Variants in FBH1 observed in about 807,000 individuals in gnomAD.
FBH1 encodes the protein F-box DNA helicase 1.
FBH1 carries 43 observed loss-of-function variants against 115.5 expected under a neutral mutation model. That is an observed-to-expected ratio of 0.37 (90% confidence interval 0.29 to 0.48). The LOEUF (loss-of-function observed/expected upper bound fraction) is 0.48. Among genes scored for constraint, FBH1 ranks in the 20% least tolerant of loss-of-function variants. FBH1 has a pLI of 0.99. For synonymous variants in FBH1, 524 were observed against 507.8 expected (o/e 1.03, Z -0.43); for missense variants, 1,001 against 1,337.3 (o/e 0.75, Z 3.92).
At position 5,909,362 on chromosome 10, in the gene FBH1, G is replaced by A; in HGVS notation, c.1020+68G>A. On this transcript the variant is annotated intron_variant, in intron 5 of 20. Transcript: ENST00000362091. The surrounding 1 kb of genome is among the most constrained non-coding windows in gnomAD (Gnocchi z 4.4). ...TGGAGGAAAGTGTACTGGTGATTCA[G>A]TTCAATTGAGGATGACTTTATATTT... is the stretch of plus-strand genomic sequence containing the variant. 1 of 1,508,626 alleles carries A rather than the reference G, an allele frequency of 6.6e-7. No homozygotes were observed. Among genetic ancestry groups the A allele is most frequent in the South Asian group, 1.2e-5 (1 of 82,010 alleles). 93.5% of individuals were successfully genotyped at this position (1,508,626 alleles called of 1,614,324 possible). A position where few individuals can be genotyped will look rare whatever the true frequency, so the allele number is the denominator to read the frequency against.
intron 2 of FBH1, chr10:5,905,084 C>T (rs745742574): frequency 2.0e-5 from 3 of 152,212 alleles, no homozygotes; most frequent in Admixed American, 6.5e-5. Flanking sequence ...ACATTTGTCT[C>T]AGAATCATTG....
At chr10:5,898,771 G>A (rs1419366198) in intron 1 of FBH1, among the ~76,000 whole-genome samples, 1 of 152,128 alleles carries the variant, frequency 6.6e-6, no homozygotes, top group Non-Finnish European at 1.5e-5. Flanking sequence ...TGAATTTCAG[G>A]GACATGAACG....
Position 5,897,370 on chromosome 10 carries a change from A to G in FBH1, c.2-5650A>G, listed in dbSNP as rs1564430373. On this transcript the variant is annotated intron_variant, in intron 1 of 20. Coordinates refer to ENST00000362091, the MANE Select transcript of FBH1 (RefSeq NM_178150.3). This position sits in a 1 kb window ranked among gnomAD's most constrained non-coding sequence, Gnocchi z 4.7. Reference sequence around the variant, plus strand: ...CATTAAGTGTAAAGCGTGTAATTGCAGAGGAGGTGGACACAGGGCTCCTGC... The same window carrying G: ...CATTAAGTGTAAAGCGTGTAATTGCGGAGGAGGTGGACACAGGGCTCCTGC... 1.3e-5 allele frequency among the ~76,000 whole-genome samples: 2 copies of G among 152,130 alleles called. No individual in the cohort carries two copies. Among genetic ancestry groups the G allele is most frequent in the African/African-American group, 4.8e-5 (2 of 41,428 alleles).
rs778513834 is a variant in FBH1 at position 5,895,055 on chromosome 10, G to T, written c.1+4709G>T. On this transcript the variant is annotated intron_variant, in intron 1 of 20. Transcript: ENST00000362091. This position sits in a 1 kb window ranked among gnomAD's most constrained non-coding sequence, Gnocchi z 5.0. ...GAAATTGGGCCATTCCCGTTTCACA[G>T]GCTGCCATTGGACCTGTCAAGTGCC... 1 of 1,609,772 alleles carries T rather than the reference G, an allele frequency of 6.2e-7. No individual in the cohort carries two copies. Among genetic ancestry groups the T allele is most frequent in the South Asian group, 1.1e-5 (1 of 90,732 alleles).
At position 5,909,291 on chromosome 10, in the gene FBH1, C is replaced by T. The variant is rs146616324; in HGVS notation, c.1017C>T (p.Ala339=). Residue 339 remains alanine, a synonymous_variant, in exon 5 of 21, where the codon GCC becomes GCT. Coordinates refer to ENST00000362091, the MANE Select transcript of FBH1 (RefSeq NM_178150.3). This position sits in a 1 kb window ranked among gnomAD's most constrained non-coding sequence, Gnocchi z 4.4. ...ACCTCCCCGACCTCTACGCTGCTGCCGGGGTAGGTCTGGAGGCTGCGGGAG... is the reference window on the plus strand; with the variant it reads ...ACCTCCCCGACCTCTACGCTGCTGCTGGGGTAGGTCTGGAGGCTGCGGGAG... The part of the protein sequence containing the change: ...RQHLPDLYAA[A]GGVNIWALVA... 2.5e-5 allele frequency: 40 copies of T among 1,608,982 alleles called. No individual in the cohort carries two copies. The highest frequency in any genetic ancestry group is 2.3e-4 in the African/African-American group (17 of 75,020).
rs190011923 is a variant in FBH1 at position 5,921,130 on chromosome 10, C to G, written c.2101-128C>G. On this transcript the variant is annotated intron_variant, in intron 13 of 20. Coordinates refer to ENST00000362091, the MANE Select transcript of FBH1 (RefSeq NM_178150.3). This position sits in a 1 kb window ranked among gnomAD's most constrained non-coding sequence, Gnocchi z 6.4. Reference sequence around the variant, plus strand: ...ACCTTGAAAGTGAGCCTGTGAAGTTCGCTTTCCATGCGGGGGGTCAGGAAC... The same window carrying G: ...ACCTTGAAAGTGAGCCTGTGAAGTTGGCTTTCCATGCGGGGGGTCAGGAAC... 4.5e-5 allele frequency: 33 copies of G among 737,444 alleles called. No individual in the cohort carries two copies. In the East Asian group the frequency reaches 8.6e-4, roughly 19 times the overall value. 45.7% of individuals were successfully genotyped at this position (737,444 alleles called of 1,614,324 possible).
Position 5,910,934 on chromosome 10 carries a change from G to A in FBH1, c.1021-4G>A. The A allele has an allele frequency of 6.2e-7, 1 of 1,607,026 alleles. No homozygotes were observed. The highest frequency in any genetic ancestry group is 8.5e-7 in the Non-Finnish European group (1 of 1,178,384). On this transcript the variant is annotated splice_region_variant and splice_polypyrimidine_tract_variant and intron_variant, in intron 5 of 20. Coordinates refer to ENST00000362091, the MANE Select transcript of FBH1 (RefSeq NM_178150.3). The surrounding 1 kb of genome is among the most constrained non-coding windows in gnomAD (Gnocchi z 4.8). ...CCCTCCCTCCCTGTGCACCTGGCTT[G>A]CAGGGTGTCAACATCTGGGCCCTGG...
Position 5,925,639 on chromosome 10 carries a change from A to AGGAAC in FBH1, c.2722+148_2722+149insGAACG. 1 of 1,200,066 alleles carries AGGAAC rather than the reference A, an allele frequency of 8.3e-7. No individual in the cohort carries two copies. The allele number at this position is 1,200,066 out of a possible 1,614,324, so 74.3% of individuals were successfully genotyped here. A position where few individuals can be genotyped will look rare whatever the true frequency, so the allele number is the denominator to read the frequency against. On this transcript the variant is annotated intron_variant, in intron 18 of 20. Coordinates refer to ENST00000362091, the MANE Select transcript of FBH1 (RefSeq NM_178150.3). This position sits in a 1 kb window ranked among gnomAD's most constrained non-coding sequence, Gnocchi z 4.6. ...AAAACTAAACCACAAAACACCTCCTAGTCCTAAACTTTTGATTCTTATACT... is the reference window on the plus strand; with the variant it reads ...AAAACTAAACCACAAAACACCTCCTAGGAACGTCCTAAACTTTTGATTCTTATACT...
At position 5,910,949 on chromosome 10, in the gene FBH1, C is replaced by A; in HGVS notation, c.1032C>A (p.Ile344=). 1 of 1,610,010 alleles carries A rather than the reference C, an allele frequency of 6.2e-7. No individual in the cohort carries two copies. The change falls in exon 6 of 21, where the codon ATC becomes ATA. Residue 344 remains isoleucine (I), a synonymous_variant. Coordinates refer to ENST00000362091, the MANE Select transcript of FBH1 (RefSeq NM_178150.3). This position sits in a 1 kb window ranked among gnomAD's most constrained non-coding sequence, Gnocchi z 4.8. ...CACCTGGCTTGCAGGGTGTCAACAT[C>A]TGGGCCCTGGTGGCGGCTGTGGTGC... ...DLYAAAGGVN[I]WALVAAVVLL...
Position 5,923,975 on chromosome 10 carries a change from A to C in FBH1, c.2398+279A>C. 2 of 558,596 alleles carry C rather than the reference A, an allele frequency of 3.6e-6. No homozygotes were observed. Among genetic ancestry groups the C allele is most frequent in the Non-Finnish European group, 6.3e-6 (2 of 315,218 alleles). 34.6% of individuals were successfully genotyped at this position (558,596 alleles called of 1,614,324 possible). ...TCCTTCTGTCTGCCTGGGCCAATTT[A>C]TACGTTGATACTTCCACGTGGGCCC... On this transcript the variant is annotated intron_variant, in intron 16 of 20. Transcript: ENST00000362091. This position sits in a 1 kb window ranked among gnomAD's most constrained non-coding sequence, Gnocchi z 5.7.
At chr10:5,930,522 T>G (rs1832907842) in intron 19 of FBH1, among the ~76,000 whole-genome samples, 1 of 152,226 alleles carries the variant, frequency 6.6e-6, no homozygotes. Flanking sequence ...CTTGATTCGA[T>G]TCAAGCCTGA....
chr10:5,915,270 C>A lies in FBH1; in HGVS notation c.1397-133C>A. ...GCTCTTTTGGTGGCACTACTTTTAC[C>A]AGCACTGAAAAACTTGTTACTGTCC... On this transcript the variant is annotated intron_variant, in intron 8 of 20. Coordinates refer to ENST00000362091, the MANE Select transcript of FBH1 (RefSeq NM_178150.3). The surrounding 1 kb of genome is among the most constrained non-coding windows in gnomAD (Gnocchi z 5.2). 1.1e-6 allele frequency: 1 copy of A among 878,730 alleles called. No homozygotes were observed. The highest frequency in any genetic ancestry group is 1.7e-6 in the Non-Finnish European group (1 of 587,214). The allele number at this position is 878,730 out of a possible 1,614,324, so 54.4% of individuals were successfully genotyped here.
Position 5,921,481 on chromosome 10 carries a change from C to T in FBH1, c.2234C>T (p.Ala745Val). 6.2e-7 allele frequency: 1 copy of T among 1,602,480 alleles called. No homozygotes were observed. The highest frequency in any genetic ancestry group is 8.5e-7 in the Non-Finnish European group (1 of 1,176,976). Residue 745 changes from alanine to valine, a missense_variant, in exon 15 of 21, where the codon GCC becomes GTC. Transcript: ENST00000362091. This position sits in a 1 kb window ranked among gnomAD's most constrained non-coding sequence, Gnocchi z 6.4. ...AGAGGTGACGCAAAGGGGCAAGTGG[C>T]CTTGTTGTCCCGGACCAACGCCAAC... ...GIRGDAKGQVALLSRTNANVF... is the reference protein window; with the variant it reads ...GIRGDAKGQVVLLSRTNANVF...
chr10:5,908,815 T>A, intron 3 of FBH1, 110 bp from the exon 4 acceptor site: 1 of 1,231,524 alleles, frequency 8.1e-7, no homozygotes, highest in Admixed American at 1.9e-5. Flanking sequence ...TTCACCATGT[T>A]GGCCATGCTA....
chr10:5,921,265 G>C lies in FBH1; in HGVS notation c.2108G>C (p.Arg703Pro). 1 of 1,614,070 alleles carries C rather than the reference G, an allele frequency of 6.2e-7. No homozygotes were observed. The highest frequency in any genetic ancestry group is 8.5e-7 in the Non-Finnish European group (1 of 1,179,976). Residue 703 changes from arginine (R) to proline (P), a missense_variant, in exon 14 of 21, where the codon CGG (arginine) becomes CCG (proline). By Grantham distance (103) the Arg-to-Pro change is moderately radical. This residue lies in a region of FBH1 where 521 missense variants were observed against 811.0 expected (regional missense o/e 0.64). Coordinates refer to ENST00000362091, the MANE Select transcript of FBH1 (RefSeq NM_178150.3). The surrounding 1 kb of genome is among the most constrained non-coding windows in gnomAD (Gnocchi z 6.4). ...THVFYLTQSF[R>P]FGVEIAYVGA... ...CTGTCTTGTTGTTTTCAGAGTTTTC[G>C]GTTTGGTGTGGAAATAGCTTATGTG... is the stretch of plus-strand genomic sequence containing the variant.
In FBH1 at chr10:5,906,560, C is replaced by A; in HGVS notation, c.681C>A (p.Leu227=). 6.2e-7 allele frequency: 1 copy of A among 1,614,030 alleles called. No individual in the cohort carries two copies. The highest frequency in any genetic ancestry group is 1.1e-5 in the South Asian group (1 of 91,082). ...TCCTGAGGCACGTGTTTGCCTTCCT[C>A]CCGGTGGAAGACCTCTATTGGAACC... ...SEVLRHVFAF[L]PVEDLYWNLS... Residue 227 remains leucine (L), a synonymous_variant, in exon 3 of 21, where the codon CTC becomes CTA. Coordinates refer to ENST00000362091, the MANE Select transcript of FBH1 (RefSeq NM_178150.3). The surrounding 1 kb of genome is among the most constrained non-coding windows in gnomAD (Gnocchi z 7.3).
rs761848619 is a variant in FBH1 at position 5,917,450 on chromosome 10, G to A, written c.1819G>A (p.Asp607Asn). The change falls in exon 11 of 21, where the codon GAT becomes AAT. Residue 607 changes from aspartate to asparagine, a missense_variant. By Grantham distance (23) the Asp-to-Asn change is conservative (BLOSUM62 1). Coordinates refer to ENST00000362091, the MANE Select transcript of FBH1 (RefSeq NM_178150.3). This position sits in a 1 kb window ranked among gnomAD's most constrained non-coding sequence, Gnocchi z 5.6. ...TGTCCTTGAAGCGAGCCGCCTCTGG[G>A]ATAACATGCGGAAGCTGGGGGAGTG... Reference protein sequence around the residue: ...NGVLEASRLWDNMRKLGECTE... With the variant: ...NGVLEASRLWNNMRKLGECTE... The A allele has an allele frequency of 7.4e-6, 12 of 1,614,120 alleles. No individual in the cohort carries two copies. Among genetic ancestry groups the A allele is most frequent in the East Asian group, 2.2e-5 (1 of 44,896 alleles).
chr10:5,912,999 G>T (rs1422279478), intron 6 of FBH1, among the ~76,000 whole-genome samples: 1 of 152,176 alleles, frequency 6.6e-6, no homozygotes, highest in South Asian at 2.1e-4. Context: ...GGCTCTTTTC[G>T]CTCTGGGGAT....
chr10:5,920,072 A>G (rs559424014), intron 13 of FBH1, among the ~76,000 whole-genome samples: 5 of 152,222 alleles, frequency 3.3e-5, no homozygotes, highest in Non-Finnish European at 5.9e-5. Flanking sequence ...CCCACATTAC[A>G]TGTAACCATG....
Sources: allele counts gnomAD v4.1 joint callset (sites outside exome capture counted in the v4.1 genomes callset), GRCh38; gene constraint gnomAD v4.1.1; regional missense constraint gnomAD v4.1.1; non-coding constraint Gnocchi (gnomAD v3.1); transcripts MANE v1.5; gene names NCBI Gene and HGNC (gene_info 2026-07-23, HGNC 2026-07-21).